TMC1: variants seen among roughly 807,000 people sequenced by gnomAD.
TMC1 encodes the protein transmembrane channel-like protein 1.
In TMC1, 84 loss-of-function variants were observed where a neutral mutation model predicts 105.8. That is an observed-to-expected ratio of 0.79 (90% CI 0.67 to 0.95). The LOEUF is 0.95. Among genes scored for constraint, TMC1 ranks in the 40% least tolerant of loss-of-function variants. TMC1 has a pLI of 0.00. For missense variants in TMC1, 817 were observed against 914.1 expected (o/e 0.89, Z 1.37); for synonymous variants, 315 against 311.5 (o/e 1.01, Z -0.12).
intron 5 of TMC1, among the ~76,000 whole-genome samples, chr9:72,671,987 A>G (rs1451205582): frequency 6.6e-6 from 1 of 152,206 alleles, no homozygotes; most frequent in Non-Finnish European, 1.5e-5. Flanking sequence ...AAGAACAGAA[A>G]CAAATAAACC....
chr9:72,613,481 T>G (rs996927728), intron 2 of TMC1, among the ~76,000 whole-genome samples: 3 of 152,172 alleles, frequency 2.0e-5, no homozygotes, highest in Admixed American at 6.5e-5. Flanking sequence ...TTAGTCATAT[T>G]AATCCTCCAT....
rs141796591 is a variant in TMC1, at chr9:72,695,069, C to G, written c.236+355C>G. 1.3e-3 allele frequency among the ~76,000 whole-genome samples: 192 copies of G among 152,212 alleles called. 1 individual carries two copies. Among genetic ancestry groups the G allele is most frequent in the African/African-American group, 4.4e-3 (184 of 41,540 alleles). ...AAATAGTGAGCAAACATCACTTTAT[C>G]TTACAGAGCAGGGGTTGGAAAATTA... is the stretch of plus-strand genomic sequence containing the variant. On this transcript the variant is annotated intron_variant, in intron 7 of 23. Coordinates refer to ENST00000297784, the MANE Select transcript of TMC1 (RefSeq NM_138691.3).
At chr9:72,782,436 C>G (rs970955164) in intron 13 of TMC1, among the ~76,000 whole-genome samples, 1 of 152,158 alleles carries the variant, frequency 6.6e-6, no homozygotes, top group Non-Finnish European at 1.5e-5. Context: ...TCTTATTCAA[C>G]ATAGTACGGG....
At chr9:72,650,837 T>C (rs1825792906) in intron 5 of TMC1, among the ~76,000 whole-genome samples, 1 of 147,586 alleles carries the variant, frequency 6.8e-6, no homozygotes, top group South Asian at 2.1e-4. Flanking sequence ...AATCTCGTTC[T>C]TTTTTTATGG....
intron 5 of TMC1, among the ~76,000 whole-genome samples, chr9:72,669,169 G>C (rs773821488): frequency 9.2e-5 from 14 of 152,058 alleles, no homozygotes; most frequent in Non-Finnish European, 2.1e-4. Flanking sequence ...AGCTGGGTGA[G>C]GTGGCGGCAG....
At position 72,766,988 on chromosome 9, in the gene TMC1, C is replaced by T. The variant is rs532792863; in HGVS notation, c.742-5425C>T. ...CCCGGGCTGGCTGCTGTTCTTGTGA[C>T]GTTAGTTGAGGTTTATTCTGGGCAT... On this transcript the variant is annotated intron_variant, in intron 12 of 23. Coordinates refer to ENST00000297784, the MANE Select transcript of TMC1 (RefSeq NM_138691.3). Among the ~76,000 whole-genome samples the T allele has an allele frequency of 1.5e-4, 23 of 152,286 alleles. No individual in the cohort carries two copies. In the South Asian group the frequency reaches 2.7e-3, roughly 18 times the overall value.
Position 72,618,450 on chromosome 9 carries a change from G to A in TMC1, c.-196+1973G>A, listed in dbSNP as rs80221944. ...TCAAAAGAAACACATTAAACTAACTGTAAGTTGAGTTGGTAGCATAACCAC... is the reference window on the plus strand; with the variant it reads ...TCAAAAGAAACACATTAAACTAACTATAAGTTGAGTTGGTAGCATAACCAC... On this transcript the variant is annotated intron_variant, in intron 3 of 23. Transcript: ENST00000297784. Among the ~76,000 whole-genome samples the A allele has an allele frequency of 3.1e-3, 471 of 152,246 alleles. 4 individuals are homozygous for A. Among genetic ancestry groups the A allele is most frequent in the African/African-American group, 0.011 (453 of 41,552 alleles).
intron 17 of TMC1, 97 bp from the exon 18 acceptor site, chr9:72,805,285 A>AATAT: frequency 7.2e-7 from 1 of 1,396,238 alleles, no homozygotes; most frequent in South Asian, 1.2e-5. Context: ...GCAGTCTTCA[A>AATAT]GCCAATACTT....
chr9:72,577,819 G>A (rs1824410117), intron 1 of TMC1, 83 bp from the exon 2 acceptor site: 1 of 152,120 alleles, frequency 6.6e-6, no homozygotes, highest in Non-Finnish European at 1.5e-5. Flanking sequence ...CCAGCATGCT[G>A]TGTTTTGGGC....
At chr9:72,559,455 C>T (rs1824008028) in intron 1 of TMC1, among the ~76,000 whole-genome samples, 1 of 151,896 alleles carries the variant, frequency 6.6e-6, no homozygotes, top group Non-Finnish European at 1.5e-5. Flanking sequence ...CCACCGATGC[C>T]CATAATCTTT....
chr9:72,623,538 G>GA (rs1479086830), intron 3 of TMC1, among the ~76,000 whole-genome samples: 1 of 152,130 alleles, frequency 6.6e-6, no homozygotes, highest in Non-Finnish European at 1.5e-5. Flanking sequence ...CTTTAATCCA[G>GA]AAAACCTGAG....
chr9:72,670,198 GT>G (rs1280080465), intron 5 of TMC1, among the ~76,000 whole-genome samples: 1 of 152,128 alleles, frequency 6.6e-6, no homozygotes, highest in African/African-American at 2.4e-5. Flanking sequence ...CTCTGAAAAG[GT>G]TTAGAGGGAC....
intron 5 of TMC1, among the ~76,000 whole-genome samples, chr9:72,671,371 G>A (rs931942448): frequency 4.6e-5 from 7 of 152,162 alleles, no homozygotes; most frequent in Admixed American, 6.6e-5. Context: ...CAGAGTGACC[G>A]TCCTGCTTCT....
intron 12 of TMC1, among the ~76,000 whole-genome samples, chr9:72,762,883 T>C (rs1206970380): frequency 5.3e-5 from 8 of 152,190 alleles, no homozygotes; most frequent in Non-Finnish European, 1.0e-4. Flanking sequence ...TTAAGTTTGA[T>C]TAAAAGAAGA....
At chr9:72,811,128 T>C (rs1221978585) in intron 18 of TMC1, among the ~76,000 whole-genome samples, 1 of 152,142 alleles carries the variant, frequency 6.6e-6, no homozygotes, top group Admixed American at 6.6e-5. Context: ...TTCCTAAGTT[T>C]ATGTAGCCAG....
At chr9:72,678,675 T>A (rs1826242132) in intron 5 of TMC1, among the ~76,000 whole-genome samples, 1 of 152,078 alleles carries the variant, frequency 6.6e-6, no homozygotes, top group African/African-American at 2.4e-5. Flanking sequence ...AATTCTATTA[T>A]TATAGACTAT....
At chr9:72,701,299 G>A (rs1481105775) in intron 8 of TMC1, among the ~76,000 whole-genome samples, 1 of 152,156 alleles carries the variant, frequency 6.6e-6, no homozygotes, top group Non-Finnish European at 1.5e-5. Context: ...TGCTAATGTG[G>A]ACGCGAACGC....
In TMC1 at chr9:72,748,562, C is replaced by G. The variant is rs551442421; in HGVS notation, c.536-3288C>G. 2.2e-4 allele frequency among the ~76,000 whole-genome samples: 34 copies of G among 152,236 alleles called. No individual in the cohort carries two copies. The South Asian group carries it at 6.4e-3, about 29-fold the overall frequency. On this transcript the variant is annotated intron_variant, in intron 10 of 23. Transcript: ENST00000297784. Reference sequence around the variant, plus strand: ...TTATTACTCATTTTGCTTCCTTACACTGAGAGATTAAGTATGTTAAAATTG... The same window carrying G: ...TTATTACTCATTTTGCTTCCTTACAGTGAGAGATTAAGTATGTTAAAATTG...
intron 1 of TMC1, among the ~76,000 whole-genome samples, chr9:72,539,236 A>AAC (rs1554709906): frequency 6.6e-6 from 1 of 151,156 alleles, no homozygotes; most frequent in Non-Finnish European, 1.5e-5. Context: ...TACAAAAAAA[A>AAC]AACAACAACA....
Sources: allele counts gnomAD v4.1 joint callset (sites outside exome capture counted in the v4.1 genomes callset), GRCh38; gene constraint gnomAD v4.1.1; transcripts MANE v1.5; gene names NCBI Gene and HGNC (gene_info 2026-07-23, HGNC 2026-07-21).